NCK2: variants seen among roughly 807,000 people sequenced by gnomAD.
The protein encoded by NCK2 is cytoplasmic protein NCK2.
Under a neutral mutation model 33.9 loss-of-function variants are expected in NCK2, and 16 were observed. That is an observed-to-expected ratio of 0.47 (90% CI 0.32 to 0.72). The LOEUF is 0.72. Ranked by LOEUF, NCK2 falls within the 30% of genes least tolerant of loss-of-function variation. NCK2 has a pLI of 0.03. For missense variants in NCK2, 418 were observed against 537.3 expected, an observed-to-expected ratio of 0.78 and a Z score of 2.19; for synonymous variants, 273 against 239.9, an observed-to-expected ratio of 1.14 and a Z score of -1.27.
intron 1 of NCK2, among the ~76,000 whole-genome samples, chr2:105,808,099 C>A (rs1675152849): frequency 6.6e-6 from 1 of 152,076 alleles, no homozygotes; most frequent in Non-Finnish European, 1.5e-5. Flanking sequence ...GACAGGGTTT[C>A]ACCATGTTGG....
chr2:105,773,194 T>C (rs1690191351), intron 1 of NCK2, among the ~76,000 whole-genome samples: 1 of 152,044 alleles, frequency 6.6e-6, no homozygotes, highest in Non-Finnish European at 1.5e-5. Flanking sequence ...CCACCTACCA[T>C]CTGGCCGTCA....
At chr2:105,856,738 AT>A (rs1343407602) in intron 3 of NCK2, 1 of 152,252 alleles carries the variant, frequency 6.6e-6, no homozygotes, top group African/African-American at 2.4e-5. Context: ...GCCATCGTAG[AT>A]TCTCAGCCTG....
chr2:105,820,734 T>A lies in NCK2; in HGVS notation c.-17+4121T>A, dbSNP rs1021747093. Among the ~76,000 whole-genome samples the A allele has an allele frequency of 2.6e-5, 4 of 152,232 alleles. No homozygotes were observed. The East Asian group carries it at 5.8e-4, about 22-fold the overall frequency. On this transcript the variant is annotated intron_variant, in intron 2 of 4. Transcript: ENST00000233154. ...GCTGGCCATTACTAGGGACGGAAGATGCAAAGGGCCTTGTCTGCTATGCTG... is the reference window on the plus strand; with the variant it reads ...GCTGGCCATTACTAGGGACGGAAGAAGCAAAGGGCCTTGTCTGCTATGCTG...
At chr2:105,875,179 G>T (rs1678183717) in intron 3 of NCK2, among the ~76,000 whole-genome samples, 1 of 152,188 alleles carries the variant, frequency 6.6e-6, no homozygotes, top group South Asian at 2.1e-4. Context: ...ATGCTCAGGA[G>T]CTCTGTGTCC....
chr2:105,765,126 G>C (rs1026507109), intron 1 of NCK2, among the ~76,000 whole-genome samples: 2 of 152,014 alleles, frequency 1.3e-5, no homozygotes, highest in African/African-American at 4.8e-5. Flanking sequence ...CCTTACAAAG[G>C]GTTATGCCAG....
At chr2:105,794,410 C>CTTAATGAT (rs1691004322) in intron 1 of NCK2, among the ~76,000 whole-genome samples, 1 of 151,914 alleles carries the variant, frequency 6.6e-6, no homozygotes, top group African/African-American at 2.4e-5. Context: ...GGATCGTTTA[C>CTTAATGAT]GTAATGACTT....
chr2:105,829,255 T>C (rs1042158018), intron 2 of NCK2, among the ~76,000 whole-genome samples: 1 of 152,162 alleles, frequency 6.6e-6, no homozygotes, highest in African/African-American at 2.4e-5. Context: ...TAGAATATTC[T>C]CAATACTGTT....
intron 4 of NCK2, among the ~76,000 whole-genome samples, chr2:105,886,492 T>C (rs985588420): frequency 2.0e-5 from 3 of 152,256 alleles, no homozygotes; most frequent in African/African-American, 4.8e-5. Flanking sequence ...CAACCTTGGT[T>C]TGAAGAAGCC....
At chr2:105,838,691 G>C (rs919018737) in intron 2 of NCK2, among the ~76,000 whole-genome samples, 2 of 152,206 alleles carry the variant, frequency 1.3e-5, no homozygotes, top group African/African-American at 2.4e-5. Flanking sequence ...GGATGGAATA[G>C]TTTGTAGGCA....
At chr2:105,813,103 T>C (rs945019599) in intron 1 of NCK2, among the ~76,000 whole-genome samples, 4 of 152,202 alleles carry the variant, frequency 2.6e-5, no homozygotes, top group African/African-American at 9.7e-5. Flanking sequence ...TGCATTCAAA[T>C]TCTGGTTGTG....
chr2:105,764,913 C>T (rs930920539), intron 1 of NCK2, among the ~76,000 whole-genome samples: 9 of 152,202 alleles, frequency 5.9e-5, no homozygotes, highest in East Asian at 5.8e-4. Flanking sequence ...GAGTTGAAAG[C>T]GCCACACTTG....
In NCK2 at chr2:105,860,057, G is replaced by A. The variant is rs141130496; in HGVS notation, c.226+4768G>A. 2.3e-3 allele frequency among the ~76,000 whole-genome samples: 346 copies of A among 152,342 alleles called. 2 individuals are homozygous for A. The highest frequency in any genetic ancestry group is 7.9e-3 in the African/African-American group (328 of 41,570). Reference sequence around the variant, plus strand: ...CCCAGTGCTTTGGGAGGCTGAGGTAGAAGGATCAGTTGAGGCCACGAATTT... The same window carrying A: ...CCCAGTGCTTTGGGAGGCTGAGGTAAAAGGATCAGTTGAGGCCACGAATTT... On this transcript the variant is annotated intron_variant, in intron 3 of 4. Coordinates refer to ENST00000233154, the MANE Select transcript of NCK2 (RefSeq NM_003581.5).
chr2:105,877,299 A>C (rs1221132625), intron 3 of NCK2, among the ~76,000 whole-genome samples: 1 of 152,014 alleles, frequency 6.6e-6, no homozygotes, highest in African/African-American at 2.4e-5. Context: ...CACACATTAA[A>C]TCTTCATATG....
At chr2:105,888,583 A>G (rs1421317700) in intron 4 of NCK2, among the ~76,000 whole-genome samples, 2 of 152,236 alleles carry the variant, frequency 1.3e-5, no homozygotes, top group East Asian at 1.9e-4. Context: ...AAAGATGTCC[A>G]TAAATTCTTT....
At chr2:105,749,063 GCAACAACAACAACAAAAAAACAAAGC>G (rs1689374017) in intron 1 of NCK2, among the ~76,000 whole-genome samples, 1 of 152,224 alleles carries the variant, frequency 6.6e-6, no homozygotes, top group Admixed American at 6.5e-5. Flanking sequence ...AACAACAACA[GCAACAACAACAACAAAAAAACAAAGC>G]CAACCCCATA....
At chr2:105,872,793 C>T (rs1286654953) in intron 3 of NCK2, among the ~76,000 whole-genome samples, 5 of 152,190 alleles carry the variant, frequency 3.3e-5, no homozygotes, top group African/African-American at 9.7e-5. Flanking sequence ...AAAGTTTTTG[C>T]ACCTTAAATG....
intron 2 of NCK2, among the ~76,000 whole-genome samples, chr2:105,852,504 A>G (rs772807216): frequency 4.6e-5 from 7 of 152,158 alleles, no homozygotes; most frequent in Non-Finnish European, 1.0e-4. Context: ...AAGCTTCTAT[A>G]TGATGTTCGG....
At chr2:105,816,027 C>A (rs1397647338) in intron 1 of NCK2, among the ~76,000 whole-genome samples, 1 of 151,866 alleles carries the variant, frequency 6.6e-6, no homozygotes, top group African/African-American at 2.4e-5. Flanking sequence ...CCCTCCCCAA[C>A]CCGAGTGTCG....
At chr2:105,808,102 C>T (rs1675153035) in intron 1 of NCK2, among the ~76,000 whole-genome samples, 1 of 152,072 alleles carries the variant, frequency 6.6e-6, no homozygotes, top group South Asian at 2.1e-4. Flanking sequence ...AGGGTTTCAC[C>T]ATGTTGGCCA....
Sources: allele counts gnomAD v4.1 joint callset (sites outside exome capture counted in the v4.1 genomes callset), GRCh38; gene constraint gnomAD v4.1.1; transcripts MANE v1.5; gene names NCBI Gene and HGNC (gene_info 2026-07-23, HGNC 2026-07-21).